Variants in C14orf132 observed in about 807,000 individuals in gnomAD.
C14orf132 encodes the protein uncharacterized protein C14orf132.
C14orf132 carries 6 observed loss-of-function variants against 5.8 expected under a neutral mutation model. That is an observed-to-expected ratio of 1.03 (90% CI 0.57 to 2.04). The LOEUF is 2.04. Among genes scored for constraint, C14orf132 ranks in the 30% most tolerant of loss-of-function variants. The probability of loss-of-function intolerance (pLI) is 0.00; values close to 1 mark genes in which losing one functional copy is unlikely to be tolerated. For synonymous variants in C14orf132, 51 were observed against 49.8 expected (o/e 1.02, Z -0.10); for missense variants, 125 against 115.8 (o/e 1.08, Z -0.37).
At chr14:96,064,302 C>T (rs141056132) in intron 1 of C14orf132, among the ~76,000 whole-genome samples, 2,566 of 150,390 alleles carry the variant, frequency 0.017, 27 homozygotes, top group Non-Finnish European at 0.026. Flanking sequence ...ACTGCAAAAT[C>T]GTGGAACTGA....
chr14:96,062,432 T>C (rs1887386034), intron 1 of C14orf132, among the ~76,000 whole-genome samples: 1 of 152,162 alleles, frequency 6.6e-6, no homozygotes, highest in South Asian at 2.1e-4. Context: ...AAAGGACCAA[T>C]GGATCTTCGT....
intron 1 of C14orf132, among the ~76,000 whole-genome samples, chr14:96,071,963 G>C (rs561146402): frequency 2.8e-4 from 43 of 152,372 alleles, no homozygotes; most frequent in African/African-American, 9.9e-4. Flanking sequence ...GCCTCACAGA[G>C]AGGTGAAGGG....
intron 1 of C14orf132, among the ~76,000 whole-genome samples, chr14:96,058,765 T>G (rs1197835237): frequency 6.6e-6 from 1 of 152,190 alleles, no homozygotes; most frequent in Non-Finnish European, 1.5e-5. Flanking sequence ...GGCCCAGCTC[T>G]CCCAGGTGCC....
At position 96,086,640 on chromosome 14, in the gene C14orf132, C is replaced by T. The variant is rs559444081; in HGVS notation, c.157C>T (p.Arg53Trp). ...NGQGQPEDPP[R>W]SSNDAVLLWI... ...CCAGGGCCAGCCGGAAGATCCTCCT[C>T]GGTCCTCCAACGACGCCGTCTTGCT... Residue 53 changes from arginine to tryptophan, a missense_variant, in exon 2 of 2, where the codon CGG (arginine) becomes TGG (tryptophan). Physicochemically the swap from Arg to Trp is moderately radical, Grantham distance 101. Coordinates refer to ENST00000555004, the MANE Select transcript of C14orf132 (RefSeq NM_001252507.3). 78 of 1,536,196 alleles carry T rather than the reference C, an allele frequency of 5.1e-5. No homozygotes were observed. The highest frequency in any genetic ancestry group is 4.8e-4 in the South Asian group (40 of 84,060).
chr14:96,077,452 A>G (rs1887903901), intron 1 of C14orf132, among the ~76,000 whole-genome samples: 1 of 152,220 alleles, frequency 6.6e-6, no homozygotes, highest in Non-Finnish European at 1.5e-5. Context: ...GCCCTAGTTC[A>G]GTATGATTGG....
At chr14:96,046,679 A>G (rs1886839181) in intron 1 of C14orf132, among the ~76,000 whole-genome samples, 1 of 152,196 alleles carries the variant, frequency 6.6e-6, no homozygotes, top group African/African-American at 2.4e-5. Context: ...TTAACATCAT[A>G]TTAACACTGG....
intron 1 of C14orf132, among the ~76,000 whole-genome samples, chr14:96,080,117 A>G (rs922040417): frequency 2.6e-5 from 4 of 152,036 alleles, no homozygotes; most frequent in Non-Finnish European, 5.9e-5. Flanking sequence ...TGCCACACAG[A>G]CTCTCACTTT....
intron 1 of C14orf132, among the ~76,000 whole-genome samples, chr14:96,061,565 T>C (rs566421685): frequency 6.6e-6 from 1 of 152,286 alleles, no homozygotes; most frequent in African/African-American, 2.4e-5. Flanking sequence ...GTTTAACTTA[T>C]TGTATTTTCT....
At chr14:96,086,332 A>G (rs1451493777) in intron 1 of C14orf132, among the ~76,000 whole-genome samples, 179 bp from the exon 2 acceptor site, 2 of 152,168 alleles carry the variant, frequency 1.3e-5, no homozygotes, top group Non-Finnish European at 2.9e-5. Context: ...GCTGCTGTGA[A>G]CACTGATTTT....
chr14:96,051,981 G>C, intron 1 of C14orf132, among the ~76,000 whole-genome samples: 1 of 152,268 alleles, frequency 6.6e-6, no homozygotes, highest in Non-Finnish European at 1.5e-5. Context: ...TGAATCTTGA[G>C]CACCTGCTAA....
intron 1 of C14orf132, among the ~76,000 whole-genome samples, chr14:96,086,172 C>T (rs1277730642): frequency 2.0e-5 from 3 of 152,142 alleles, no homozygotes; most frequent in Non-Finnish European, 4.4e-5. Flanking sequence ...AGGCATTTTA[C>T]AACCCATATC....
rs1174835461 is a variant in C14orf132, at chr14:96,090,964, C to T, written c.*4229C>T. ...TATTATTCCCAGTTATTATTCTTACCGGTGCCAGTTTTGCACATCTTTTTG... is the reference window on the plus strand; with the variant it reads ...TATTATTCCCAGTTATTATTCTTACTGGTGCCAGTTTTGCACATCTTTTTG... On this transcript the variant is annotated 3_prime_UTR_variant, in exon 2 of 2. Transcript: ENST00000555004. 8.8e-6 allele frequency: 4 copies of T among 456,022 alleles called. No homozygotes were observed. Among genetic ancestry groups the T allele is most frequent in the East Asian group, 6.9e-5 (1 of 14,414 alleles). The allele number at this position is 456,022 out of a possible 1,614,324, so 28.2% of individuals were successfully genotyped here.
In C14orf132 at chr14:96,041,217, AC is replaced by A. The variant is rs563105528; in HGVS notation, c.27+1691del. Among the ~76,000 whole-genome samples, 215 of 152,304 alleles carry A rather than the reference AC, an allele frequency of 1.4e-3. 1 individual carries two copies. Among genetic ancestry groups the A allele is most frequent in the African/African-American group, 5.1e-3 (211 of 41,560 alleles). ...TGAAGTACCACACATATGAGAACAG[AC>A]GCTAAGGTTTGTTGAGCACCTACTA... On this transcript the variant is annotated intron_variant, in intron 1 of 1. Transcript: ENST00000555004.
At chr14:96,052,061 C>T (rs149992393) in intron 1 of C14orf132, among the ~76,000 whole-genome samples, 1 of 152,348 alleles carries the variant, frequency 6.6e-6, no homozygotes, top group African/African-American at 2.4e-5. Flanking sequence ...GAAGAGGATA[C>T]CGAGGCTCAG....
At chr14:96,066,492 C>T (rs1049938321) in intron 1 of C14orf132, among the ~76,000 whole-genome samples, 1 of 152,122 alleles carries the variant, frequency 6.6e-6, no homozygotes, top group African/African-American at 2.4e-5. Context: ...TGAGGCATGT[C>T]GGACACACAG....
chr14:96,065,553 G>A (rs1344764964), intron 1 of C14orf132, among the ~76,000 whole-genome samples: 4 of 151,888 alleles, frequency 2.6e-5, no homozygotes, highest in African/African-American at 9.7e-5. Flanking sequence ...TCTCCTCTTA[G>A]CCTTCATCAC....
intron 1 of C14orf132, among the ~76,000 whole-genome samples, chr14:96,070,581 G>GCC: frequency 6.9e-6 from 1 of 144,532 alleles, no homozygotes; most frequent in East Asian, 2.1e-4. Flanking sequence ...GGTAGATGAA[G>GCC]TCTCTCTCTC....
intron 1 of C14orf132, among the ~76,000 whole-genome samples, chr14:96,074,075 C>T (rs1025804407): frequency 1.2e-4 from 19 of 152,248 alleles, no homozygotes; most frequent in Non-Finnish European, 2.4e-4. Context: ...TAATGGAGGC[C>T]GGGCTTAATA....
In C14orf132 at chr14:96,089,055, C is replaced by T. The variant is rs771438010; in HGVS notation, c.*2320C>T. 3.3e-5 allele frequency: 5 copies of T among 152,322 alleles called. No individual in the cohort carries two copies. Among genetic ancestry groups the T allele is most frequent in the African/African-American group, 7.2e-5 (3 of 41,480 alleles). The allele number at this position is 152,322 out of a possible 1,614,324, so 9.4% of individuals were successfully genotyped here. A position where few individuals can be genotyped will look rare whatever the true frequency, so the allele number is the denominator to read the frequency against. Reference sequence around the variant, plus strand: ...GCATTGCAGATTACAGTGACTTCCTCGGGGTTGCCCCATCTTGGTCTCCTG... The same window carrying T: ...GCATTGCAGATTACAGTGACTTCCTTGGGGTTGCCCCATCTTGGTCTCCTG... On this transcript the variant is annotated 3_prime_UTR_variant, in exon 2 of 2. Transcript: ENST00000555004.
Sources: gnomAD v4.1 joint callset for allele counts (sites outside exome capture counted in the v4.1 genomes callset) on GRCh38, gnomAD v4.1.1 for gene constraint, MANE v1.5 for transcripts, NCBI Gene and HGNC (gene_info 2026-07-23, HGNC 2026-07-21) for gene names.